Variants in ASTN2 observed in about 807,000 individuals in gnomAD.
ASTN2 encodes the protein astrotactin 2.
Under a neutral mutation model 139.8 loss-of-function variants are expected in ASTN2, and 54 were observed. The ratio of observed to expected loss-of-function variants is 0.39; its 90% confidence interval spans 0.31 to 0.48. The LOEUF is 0.48. Ranked by LOEUF, ASTN2 falls within the 20% of genes least tolerant of loss-of-function variation. ASTN2 has a pLI of 0.95. For synonymous variants in ASTN2, 756 were observed against 719.5 expected (o/e 1.05, Z -0.81); for missense variants, 1,565 against 1,725.1 (o/e 0.91, Z 1.64).
At chr9:116,986,233 CT>C (rs1220921857) in intron 7 of ASTN2, among the ~76,000 whole-genome samples, 3 of 149,896 alleles carry the variant, frequency 2.0e-5, no homozygotes, top group Admixed American at 6.7e-5. Context: ...TGCAGCTGCC[CT>C]TCCAGGCTTC....
intron 2 of ASTN2, among the ~76,000 whole-genome samples, chr9:117,257,221 T>A (rs1263220545): frequency 6.6e-6 from 1 of 152,176 alleles, no homozygotes; most frequent in African/African-American, 2.4e-5. Flanking sequence ...GGATTTACTA[T>A]CTTACTAATG....
chr9:117,170,929 G>A (rs1347069668), intron 3 of ASTN2, among the ~76,000 whole-genome samples: 4 of 152,170 alleles, frequency 2.6e-5, no homozygotes, highest in African/African-American at 9.7e-5. Flanking sequence ...CCAAGAGACA[G>A]ATGCCTAGAT....
intron 6 of ASTN2, among the ~76,000 whole-genome samples, chr9:117,012,628 G>C (rs61216558): frequency 0.027 from 4,172 of 152,154 alleles, 189 homozygotes; most frequent in African/African-American, 0.096. Context: ...ATAAGGGAGA[G>C]GAAAAAGGGG....
intron 17 of ASTN2, among the ~76,000 whole-genome samples, chr9:116,624,539 A>G (rs939074729): frequency 6.6e-6 from 1 of 152,214 alleles, no homozygotes; most frequent in Admixed American, 6.5e-5. Flanking sequence ...AACTATGACA[A>G]TATCTTAGGA....
intron 16 of ASTN2, among the ~76,000 whole-genome samples, chr9:116,683,975 G>C (rs1860047344): frequency 6.6e-6 from 1 of 152,168 alleles, no homozygotes; most frequent in Non-Finnish European, 1.5e-5. Context: ...CTCAGACCTT[G>C]TCTATAGTCC....
intron 10 of ASTN2, among the ~76,000 whole-genome samples, chr9:116,969,760 A>G (rs548675252): frequency 6.6e-6 from 1 of 152,290 alleles, no homozygotes; most frequent in African/African-American, 2.4e-5. Flanking sequence ...TTTGTACTCA[A>G]ACTTTAGTGA....
At chr9:117,390,098 C>T (rs967245721) in intron 1 of ASTN2, among the ~76,000 whole-genome samples, 1 of 152,190 alleles carries the variant, frequency 6.6e-6, no homozygotes, top group African/African-American at 2.4e-5. Flanking sequence ...CAAGAGAAAA[C>T]AGCAATGCTT....
At chr9:117,281,838 G>T (rs552225722) in intron 2 of ASTN2, among the ~76,000 whole-genome samples, 32 of 152,140 alleles carry the variant, frequency 2.1e-4, no homozygotes, top group African/African-American at 7.5e-4. Flanking sequence ...ACAGTGCTGG[G>T]TGCCCCTGCC....
intron 19 of ASTN2, among the ~76,000 whole-genome samples, chr9:116,602,947 G>A (rs1399626658): frequency 6.6e-6 from 1 of 152,140 alleles, no homozygotes; most frequent in Non-Finnish European, 1.5e-5. Flanking sequence ...TGATGAAGAA[G>A]AATGTAAGTT....
intron 1 of ASTN2, among the ~76,000 whole-genome samples, chr9:117,374,423 C>T (rs1174022172): frequency 1.4e-5 from 2 of 141,098 alleles, no homozygotes; most frequent in Non-Finnish European, 3.0e-5. Context: ...AACATGAGAG[C>T]TTTTCAATAG....
At chr9:117,058,080 GC>G (rs2132679468) in intron 5 of ASTN2, among the ~76,000 whole-genome samples, 1 of 152,208 alleles carries the variant, frequency 6.6e-6, no homozygotes, top group African/African-American at 2.4e-5. Flanking sequence ...TACAGAACTT[GC>G]CCCCCTGCCA....
At chr9:116,550,446 C>A (rs1852292242) in intron 19 of ASTN2, among the ~76,000 whole-genome samples, 1 of 152,132 alleles carries the variant, frequency 6.6e-6, no homozygotes, top group Admixed American at 6.5e-5. Flanking sequence ...CATGAGTCAC[C>A]TATGGGATTC....
At chr9:116,454,518 T>C (rs1848268739) in intron 20 of ASTN2, among the ~76,000 whole-genome samples, 1 of 152,096 alleles carries the variant, frequency 6.6e-6, no homozygotes. Flanking sequence ...GAACTAGAAA[T>C]ACCATTTGAC....
chr9:116,713,967 C>A (rs1205350255), intron 16 of ASTN2, among the ~76,000 whole-genome samples: 1 of 152,114 alleles, frequency 6.6e-6, no homozygotes, highest in Non-Finnish European at 1.5e-5. Context: ...TAAGTTTTCA[C>A]ATTAGGAAGA....
intron 1 of ASTN2, among the ~76,000 whole-genome samples, chr9:117,310,197 A>T (rs1476281135): frequency 6.6e-6 from 1 of 152,090 alleles, no homozygotes; most frequent in Non-Finnish European, 1.5e-5. Context: ...TCTCAGTCAA[A>T]CACCTTTCCC....
chr9:117,057,894 C>G (rs1253428396), intron 5 of ASTN2, among the ~76,000 whole-genome samples: 1 of 152,174 alleles, frequency 6.6e-6, no homozygotes, highest in Non-Finnish European at 1.5e-5. Flanking sequence ...ATAAAATAGG[C>G]ATAACTATAA....
rs1564168740 is a variant in ASTN2 at position 116,632,175 on chromosome 9, AG to A, written c.3073-11733del. On this transcript the variant is annotated intron_variant, in intron 17 of 22. Coordinates refer to ENST00000313400, the MANE Select transcript of ASTN2 (RefSeq NM_001365068.1). ...GAGAGAGACAGAGAGAGAGAGAGAG[AG>A]AGAGAGAGGGAGAGAGAGAGAAAGA... 1.1e-3 allele frequency among the ~76,000 whole-genome samples: 34 copies of A among 29,992 alleles called. 2 individuals carry two copies. The highest frequency in any genetic ancestry group is 4.8e-3 in the African/African-American group (31 of 6,488). 19.7% of individuals were successfully genotyped at this position (29,992 alleles called of 152,430 possible).
chr9:117,106,939 A>G (rs186796495), intron 4 of ASTN2, among the ~76,000 whole-genome samples: 3 of 152,302 alleles, frequency 2.0e-5, no homozygotes, highest in Admixed American at 1.3e-4. Flanking sequence ...ATCTAGATTT[A>G]TATGTACAAA....
intron 5 of ASTN2, among the ~76,000 whole-genome samples, chr9:117,064,839 C>T (rs893634082): frequency 7.9e-5 from 12 of 151,962 alleles, no homozygotes; most frequent in East Asian, 7.7e-4. Context: ...CTCTCAAGCA[C>T]GCCTAGTCAC....
Sources: gnomAD v4.1 joint callset for allele counts (sites outside exome capture counted in the v4.1 genomes callset) on GRCh38, gnomAD v4.1.1 for gene constraint, MANE v1.5 for transcripts, NCBI Gene and HGNC (gene_info 2026-07-23, HGNC 2026-07-21) for gene names.